Variants in LRP5 observed in about 807,000 individuals in gnomAD.
LRP5 encodes LDL receptor related protein 5, also known as low-density lipoprotein receptor-related protein 5.
LRP5 carries 62 observed loss-of-function variants against 154.1 expected under a neutral mutation model. The ratio of observed to expected loss-of-function variants is 0.40; its 90% CI spans 0.33 to 0.50. LRP5 has a LOEUF of 0.50. Among genes scored for constraint, LRP5 ranks in the 20% least tolerant of loss-of-function variants. LRP5 has a pLI of 0.55. For synonymous variants in LRP5, 966 were observed against 1,011.5 expected (o/e 0.96, Z 0.85); for missense variants, 1,915 against 2,336.7 (o/e 0.82, Z 3.72).
Position 68,448,968 on chromosome 11 carries a change from G to A in LRP5, c.4746G>A (p.Gln1582=), listed in dbSNP as rs775843550. 6.2e-7 allele frequency: 1 copy of A among 1,611,892 alleles called. No homozygotes were observed. The highest frequency in any genetic ancestry group is 1.1e-5 in the South Asian group (1 of 91,040). The change falls in exon 23 of 23, where the codon CAG becomes CAA. Residue 1582 remains glutamine (Q), a synonymous_variant. Transcript: ENST00000294304. ...CACCCCCACCCACGCCCCACAGCCA[G>A]TACCTGTCGGCGGAGGACAGCTGCC... ...PYPPPPTPHS[Q]YLSAEDSCPP...
intron 5 of LRP5, among the ~76,000 whole-genome samples, chr11:68,375,117 G>A (rs867066779): frequency 4.6e-5 from 7 of 152,216 alleles, no homozygotes; most frequent in South Asian, 4.1e-4. Context: ...CGCCCACGTT[G>A]CCCAGACAGA....
In LRP5 at chr11:68,386,543, A is replaced by G. The variant is rs2153153214; in HGVS notation, c.1243A>G (p.Ile415Val). The part of the protein sequence containing the change: ...SGAQTLVNTE[I>V]NDPDGIAVDW... ...GGCGCAGACGCTGGTCAACACCGAG[A>G]TCAACGACCCCGATGGCATCGCGGT... The change falls in exon 6 of 23, where the codon ATC becomes GTC. Residue 415 changes from isoleucine to valine, a missense_variant. By Grantham distance (29) the Ile-to-Val change is conservative. Transcript: ENST00000294304. The surrounding 1 kb of genome is among the most constrained non-coding windows in gnomAD (Gnocchi z 7.9). 2 of 1,613,874 alleles carry G rather than the reference A, an allele frequency of 1.2e-6. No individual in the cohort carries two copies. The highest frequency in any genetic ancestry group is 1.7e-6 in the Non-Finnish European group (2 of 1,179,958).
intron 3 of LRP5, 26 bp from the exon 4 acceptor site, chr11:68,363,721 C>T (rs1375993918): frequency 1.2e-6 from 2 of 1,602,456 alleles, no homozygotes; most frequent in African/African-American, 1.3e-5. Context: ...CCTGATGGCT[C>T]CTCCACCCCG....
At chr11:68,416,707 A>G (rs138492776) in intron 13 of LRP5, among the ~76,000 whole-genome samples, 180 bp downstream of exon 13, 129 of 152,252 alleles carry the variant, frequency 8.5e-4, no homozygotes, top group African/African-American at 3.0e-3. Flanking sequence ...TGGAACCCCG[A>G]GACTGTGATT....
chr11:68,365,523 G>C, intron 4 of LRP5, 48 bp from the exon 5 acceptor site: 1 of 1,612,812 alleles, frequency 6.2e-7, no homozygotes, highest in Non-Finnish European at 8.5e-7. Flanking sequence ...AGAAACAAGT[G>C]ACGGTCCTCT....
At chr11:68,402,689 G>A (rs373198872) in intron 7 of LRP5, among the ~76,000 whole-genome samples, 8 of 152,178 alleles carry the variant, frequency 5.3e-5, no homozygotes, top group Admixed American at 1.3e-4. Flanking sequence ...TCTGTGTGGT[G>A]GGTGTGATCT....
In LRP5 at chr11:68,433,599, C is replaced by A. The variant is rs200397490; in HGVS notation, c.3764-3C>A. 6.2e-7 allele frequency: 1 copy of A among 1,612,548 alleles called. No homozygotes were observed. The highest frequency in any genetic ancestry group is 1.7e-5 in the Admixed American group (1 of 60,016). On this transcript the variant is annotated splice_region_variant and splice_polypyrimidine_tract_variant and intron_variant, in intron 17 of 22. Coordinates refer to ENST00000294304, the MANE Select transcript of LRP5 (RefSeq NM_002335.4). ...GTGATGTTCTCCTCTGTCCCTCCCC[C>A]AGAGCCGCCCACCTGCTCCCCGGAC... is the stretch of plus-strand genomic sequence containing the variant.
the LRP5 span, among the ~76,000 whole-genome samples, chr11:68,299,466 CCTCAGTGTAGATGGCAGGGTGGAGTG>C: frequency 1.4e-5 from 2 of 146,832 alleles, no homozygotes; most frequent in African/African-American, 2.7e-5. Flanking sequence ...GGGGTGGAGT[CCTCAGTGTAGATGGCAGGGTGGAGTG>C]CTCAGTGTAG....
chr11:68,361,758 G>A (rs760022778), intron 3 of LRP5, among the ~76,000 whole-genome samples: 2 of 151,548 alleles, frequency 1.3e-5, no homozygotes, highest in Admixed American at 6.6e-5. Flanking sequence ...GGAGATTGAG[G>A]CTGCAGTGAG....
intron 17 of LRP5, among the ~76,000 whole-genome samples, chr11:68,431,439 C>T (rs2098671862): frequency 6.6e-6 from 1 of 151,952 alleles, no homozygotes; most frequent in African/African-American, 2.4e-5. Flanking sequence ...GGTGTTTCAC[C>T]ATGTTGGCCA....
At chr11:68,356,227 G>A (rs189546326) in intron 2 of LRP5, among the ~76,000 whole-genome samples, 2 of 146,938 alleles carry the variant, frequency 1.4e-5, no homozygotes, top group Admixed American at 6.9e-5. Context: ...CTGCAGCCTC[G>A]ACCTCCCAGG....
intron 1 of LRP5, among the ~76,000 whole-genome samples, chr11:68,318,413 T>G (rs2098594723): frequency 6.6e-6 from 1 of 151,728 alleles, no homozygotes; most frequent in South Asian, 2.1e-4. Flanking sequence ...AGTCACCGCT[T>G]ACTGCAGCCT....
intron 1 of LRP5, among the ~76,000 whole-genome samples, chr11:68,342,055 G>T (rs1404771707): frequency 6.6e-6 from 1 of 150,534 alleles, no homozygotes; most frequent in African/African-American, 2.5e-5. Flanking sequence ...CTTTTCTCCT[G>T]AACTGTCCTC....
intron 17 of LRP5, among the ~76,000 whole-genome samples, chr11:68,432,511 G>A (rs115607333): frequency 9.3e-4 from 142 of 152,312 alleles, no homozygotes; most frequent in African/African-American, 2.7e-3. Flanking sequence ...CCTGTCACTC[G>A]GGTGAGCCCA....
chr11:68,319,293 C>T (rs1412574407), intron 1 of LRP5, among the ~76,000 whole-genome samples: 1 of 152,092 alleles, frequency 6.6e-6, no homozygotes, highest in African/African-American at 2.4e-5. Flanking sequence ...GTCTCGAACT[C>T]CTGACCTCAA....
Position 68,363,734 on chromosome 11 carries a change from T to TC in LRP5, c.687-10dup. ...CTCCTGATGGCTCCTCCACCCCGCTTCCCTGACTGCAGGCAGAAGGTGGTG... is the reference window on the plus strand; with the variant it reads ...CTCCTGATGGCTCCTCCACCCCGCTTCCCCTGACTGCAGGCAGAAGGTGGTG... On this transcript the variant is annotated splice_polypyrimidine_tract_variant and intron_variant, in intron 3 of 22. Transcript: ENST00000294304. 6.2e-7 allele frequency: 1 copy of TC among 1,610,034 alleles called. No individual in the cohort carries two copies. The highest frequency in any genetic ancestry group is 8.5e-7 in the Non-Finnish European group (1 of 1,178,454).
chr11:68,398,511 A>G (rs2098650808), intron 7 of LRP5, among the ~76,000 whole-genome samples: 1 of 152,170 alleles, frequency 6.6e-6, no homozygotes, highest in Admixed American at 6.5e-5. Context: ...TCTCGGGTCT[A>G]GTTTCATTTC....
chr11:68,406,892 C>A, intron 9 of LRP5, 79 bp downstream of exon 9: 1 of 1,428,678 alleles, frequency 7.0e-7, no homozygotes, highest in Non-Finnish European at 9.7e-7. Flanking sequence ...AGGCTTCAGA[C>A]ACTTTTCTTA....
At chr11:68,310,754 C>CAA (rs756320384), upstream of LRP5, among the ~76,000 whole-genome samples, 76 of 63,836 alleles carry the variant, frequency 1.2e-3, no homozygotes, top group Admixed American at 1.6e-3. Flanking sequence ...GACCCTGTCT[C>CAA]AAAAAAAAAA....
Sources: gnomAD v4.1 joint callset for allele counts (sites outside exome capture counted in the v4.1 genomes callset) on GRCh38, gnomAD v4.1.1 for gene constraint, Gnocchi (gnomAD v3.1) non-coding constraint, MANE v1.5 for transcripts, NCBI Gene and HGNC (gene_info 2026-07-23, HGNC 2026-07-21) for gene names.